PTPRM: variants seen among roughly 807,000 people sequenced by gnomAD.
PTPRM encodes protein tyrosine phosphatase receptor type M, also known as receptor-type tyrosine-protein phosphatase mu.
Under a neutral mutation model 186.7 loss-of-function variants are expected in PTPRM, and 47 were observed. The ratio of observed to expected loss-of-function variants is 0.25; its 90% CI spans 0.20 to 0.32. The LOEUF (loss-of-function observed/expected upper bound fraction) is 0.32, where lower values mean the gene tolerates loss of function less well. Among genes scored for constraint, PTPRM ranks in the 10% least tolerant of loss-of-function variants. The probability of loss-of-function intolerance (pLI) is 1.00; values close to 1 mark genes in which losing one functional copy is unlikely to be tolerated. For synonymous variants in PTPRM, 668 were observed against 674.9 expected (o/e 0.99, Z 0.16); for missense variants, 1,494 against 1,865.0 (o/e 0.80, Z 3.66).
rs749663123 is a variant in PTPRM at position 7,758,139 on chromosome 18, C to T, written c.74-16010C>T. 2.0e-5 allele frequency among the ~76,000 whole-genome samples: 3 copies of T among 152,042 alleles called. No homozygotes were observed. The South Asian group carries it at 6.2e-4, about 32-fold the overall frequency. On this transcript the variant is annotated intron_variant, in intron 1 of 32. Coordinates refer to ENST00000580170, the MANE Select transcript of PTPRM (RefSeq NM_001105244.2). Reference sequence around the variant, plus strand: ...ATCCCAGTGATTCTGATGCAGGTGGCCAGTGAAGCACACTTTGAGTAAGTG... The same window carrying T: ...ATCCCAGTGATTCTGATGCAGGTGGTCAGTGAAGCACACTTTGAGTAAGTG...
intron 22 of PTPRM, among the ~76,000 whole-genome samples, chr18:8,334,094 T>G (rs1052907959): frequency 2.6e-5 from 4 of 152,122 alleles, no homozygotes; most frequent in African/African-American, 4.8e-5. Context: ...CACACTGCTG[T>G]GTTGGGGAAT....
At chr18:7,686,120 C>A (rs1015287186) in intron 1 of PTPRM, among the ~76,000 whole-genome samples, 1 of 152,160 alleles carries the variant, frequency 6.6e-6, no homozygotes, top group Non-Finnish European at 1.5e-5. Context: ...AATCATGTCT[C>A]TGTCCTTGCA....
At chr18:7,870,760 C>T (rs370174243) in intron 2 of PTPRM, among the ~76,000 whole-genome samples, 14 of 152,116 alleles carry the variant, frequency 9.2e-5, no homozygotes, top group African/African-American at 3.4e-4. Flanking sequence ...TATTCTTTGC[C>T]TTTAGTTCAG....
intron 1 of PTPRM, among the ~76,000 whole-genome samples, chr18:7,762,351 CA>C (rs1221604943): frequency 1.3e-5 from 2 of 151,836 alleles, no homozygotes; most frequent in Admixed American, 6.6e-5. Flanking sequence ...AAGTGCTGAA[CA>C]GGTGCAGGGA....
At chr18:8,246,301 A>G (rs1176716242) in intron 15 of PTPRM, among the ~76,000 whole-genome samples, 3 of 152,214 alleles carry the variant, frequency 2.0e-5, no homozygotes, top group African/African-American at 4.8e-5. Flanking sequence ...AGCAGTTTTT[A>G]GAAATGAGAC....
chr18:7,915,524 T>A lies in PTPRM; in HGVS notation c.547+8941T>A, dbSNP rs532316307. Among the ~76,000 whole-genome samples the A allele has an allele frequency of 1.2e-3, 184 of 152,274 alleles. 1 individual carries two copies. Among genetic ancestry groups the A allele is most frequent in the African/African-American group, 4.2e-3 (176 of 41,572 alleles). On this transcript the variant is annotated intron_variant, in intron 4 of 32. Coordinates refer to ENST00000580170, the MANE Select transcript of PTPRM (RefSeq NM_001105244.2). ...TCTTTTTCTTGGGCTCTTTTCCAGG[T>A]TCCAGTGATAGATCAGTTATTTTAA...
intron 29 of PTPRM, among the ~76,000 whole-genome samples, chr18:8,381,065 A>T (rs891993330): frequency 2.0e-5 from 3 of 152,224 alleles, no homozygotes; most frequent in African/African-American, 7.2e-5. Context: ...GTTTGGAATG[A>T]TAAATGGGGC....
chr18:8,364,600 T>C (rs2169014), intron 23 of PTPRM, among the ~76,000 whole-genome samples: 28,594 of 152,156 alleles, frequency 0.19, 2,816 homozygotes, highest in South Asian at 0.39. Context: ...CATGGCAGTG[T>C]TTTTGCTCTC....
chr18:8,011,103 G>A (rs779930155), intron 7 of PTPRM, among the ~76,000 whole-genome samples: 6 of 152,186 alleles, frequency 3.9e-5, no homozygotes, highest in Non-Finnish European at 8.8e-5. Context: ...TAAATGGAGT[G>A]TCTATTCCGG....
chr18:8,164,059 G>T (rs1030958716), intron 14 of PTPRM, among the ~76,000 whole-genome samples: 1 of 152,190 alleles, frequency 6.6e-6, no homozygotes, highest in Non-Finnish European at 1.5e-5. Context: ...TAGCCATTAT[G>T]AAAGATCCAT....
intron 2 of PTPRM, among the ~76,000 whole-genome samples, chr18:7,866,318 G>C (rs1436829415): frequency 6.6e-6 from 1 of 152,074 alleles, no homozygotes; most frequent in Non-Finnish European, 1.5e-5. Flanking sequence ...TCTCTTGTGG[G>C]CATTTAGTGC....
intron 13 of PTPRM, among the ~76,000 whole-genome samples, chr18:8,120,138 A>G (rs1257262971): frequency 5.3e-5 from 8 of 152,160 alleles, no homozygotes; most frequent in African/African-American, 1.9e-4. Context: ...CAATACATTA[A>G]CAATTAAGCA....
At chr18:8,042,898 G>A (rs913836076) in intron 7 of PTPRM, among the ~76,000 whole-genome samples, 1 of 151,972 alleles carries the variant, frequency 6.6e-6, no homozygotes, top group Non-Finnish European at 1.5e-5. Flanking sequence ...TGTACTCATC[G>A]CCAAGACAGT....
chr18:8,210,889 A>G (rs2093994446), intron 14 of PTPRM, among the ~76,000 whole-genome samples: 3 of 152,298 alleles, frequency 2.0e-5, no homozygotes, highest in East Asian at 3.9e-4. Context: ...CCAAGTAAAT[A>G]AAGTGTTCTA....
chr18:7,916,184 C>A (rs2050546181), intron 4 of PTPRM, among the ~76,000 whole-genome samples: 1 of 152,062 alleles, frequency 6.6e-6, no homozygotes, highest in South Asian at 2.1e-4. Context: ...ACTAAAAATC[C>A]AGACTTCATT....
chr18:8,231,575 T>C (rs902241562), intron 14 of PTPRM, among the ~76,000 whole-genome samples: 10 of 152,086 alleles, frequency 6.6e-5, no homozygotes, highest in African/African-American at 2.4e-4. Flanking sequence ...TTCTTCCATT[T>C]CCCTTATTTC....
chr18:8,209,144 G>C (rs1308648572), intron 14 of PTPRM, among the ~76,000 whole-genome samples: 1 of 152,202 alleles, frequency 6.6e-6, no homozygotes, highest in Non-Finnish European at 1.5e-5. Flanking sequence ...GCTTTCTACT[G>C]TAGAACAGAA....
chr18:8,238,486 A>T (rs1490726991), intron 14 of PTPRM, among the ~76,000 whole-genome samples: 1 of 151,858 alleles, frequency 6.6e-6, no homozygotes, highest in Non-Finnish European at 1.5e-5. Flanking sequence ...CTCTGCTTAC[A>T]TTACCTATCT....
chr18:7,837,352 T>C (rs1008205227), intron 2 of PTPRM, among the ~76,000 whole-genome samples: 21 of 152,242 alleles, frequency 1.4e-4, no homozygotes, highest in African/African-American at 5.1e-4. Flanking sequence ...GAAATACTGA[T>C]TGATACTTTT....
Sources: allele counts gnomAD v4.1 joint callset (sites outside exome capture counted in the v4.1 genomes callset), GRCh38; gene constraint gnomAD v4.1.1; transcripts MANE v1.5; gene names NCBI Gene and HGNC (gene_info 2026-07-23, HGNC 2026-07-21).